The following ZNF69 variants were observed in gnomAD, a reference collection of about 807,000 sequenced individuals.
ZNF69 encodes ZNF3.
Under a neutral mutation model 50.9 loss-of-function variants are expected in ZNF69, and 47 were observed. The ratio of observed to expected loss-of-function variants is 0.92; its 90% CI spans 0.73 to 1.18. The LOEUF is 1.18. Among genes scored for constraint, ZNF69 ranks in the 50% most tolerant of loss-of-function variants. The probability of loss-of-function intolerance (pLI) is 0.00; values close to 1 mark genes in which losing one functional copy is unlikely to be tolerated. For synonymous variants in ZNF69, 216 were observed against 223.1 expected, an observed-to-expected ratio of 0.97 and a Z score of 0.29; for missense variants, 717 against 675.1, an observed-to-expected ratio of 1.06 and a Z score of -0.69.
chr19:11,927,864 C>T, the ZNF69 span, among the ~76,000 whole-genome samples: 2 of 152,262 alleles, frequency 1.3e-5, no homozygotes, highest in East Asian at 3.9e-4. Context: ...TTGTTAGTGT[C>T]AAGATGGAGC....
the ZNF69 span, among the ~76,000 whole-genome samples, chr19:11,942,417 G>C: frequency 2.6e-5 from 4 of 152,040 alleles, no homozygotes; most frequent in Non-Finnish European, 5.9e-5. Flanking sequence ...AGTCCAAAGA[G>C]ACATTAGGGA....
the ZNF69 span, chr19:11,948,129 C>G: frequency 1.1e-6 from 1 of 900,630 alleles, no homozygotes; most frequent in Non-Finnish European, 1.7e-6. Flanking sequence ...TCTTGTAGAA[C>G]ATGTCCAGTC....
the ZNF69 span, among the ~76,000 whole-genome samples, chr19:11,968,299 G>T: frequency 6.6e-6 from 1 of 152,046 alleles, no homozygotes; most frequent in Non-Finnish European, 1.5e-5. Flanking sequence ...TGTGGCCCAG[G>T]CTGGAGCAGT....
the ZNF69 span, among the ~76,000 whole-genome samples, chr19:11,967,106 G>A: frequency 5.4e-4 from 82 of 152,292 alleles, no homozygotes; most frequent in African/African-American, 1.5e-3. Context: ...AGGCCAAGGC[G>A]GGAGGATCAC....
In ZNF69 at chr19:11,912,731, C is replaced by G. The variant is rs926080132; in HGVS notation, c.449-678C>G. On this transcript the variant is annotated intron_variant, in intron 4 of 4. Transcript: ENST00000340180. ...CAATGCAGGAAAGCCTTCAGATCAG[C>G]CTCACACCTTCAAATGTATGGAAGG... Among the ~76,000 whole-genome samples, 16 of 151,950 alleles carry G rather than the reference C, an allele frequency of 1.1e-4. 1 individual carries two copies. Among genetic ancestry groups the G allele is most frequent in the African/African-American group, 3.9e-4 (16 of 41,442 alleles).
At chr19:11,975,541 G>A in the ZNF69 span, among the ~76,000 whole-genome samples, 3 of 152,096 alleles carry the variant, frequency 2.0e-5, no homozygotes, top group South Asian at 6.2e-4. Context: ...GAGACTACAG[G>A]CGCCCGCCAC....
chr19:11,975,624 C>G, the ZNF69 span, among the ~76,000 whole-genome samples: 8 of 150,566 alleles, frequency 5.3e-5, no homozygotes, highest in Non-Finnish European at 1.2e-4. Context: ...CCTCGTGATC[C>G]GCCCGCCTCG....
chr19:11,894,974 G>A (rs1265131368), intron 1 of ZNF69, among the ~76,000 whole-genome samples: 2 of 152,200 alleles, frequency 1.3e-5, no homozygotes, highest in Admixed American at 6.5e-5. Context: ...GGCATAGTGC[G>A]GTGTTGGTGG....
chr19:11,955,967 G>A, the ZNF69 span, among the ~76,000 whole-genome samples: 10,681 of 152,176 alleles, frequency 0.07, 904 homozygotes, highest in African/African-American at 0.2. Flanking sequence ...TAAATATTGA[G>A]TTTATGTGAA....
At chr19:11,956,556 G>A in the ZNF69 span, 2 of 398,606 alleles carry the variant, frequency 5.0e-6, no homozygotes, top group Non-Finnish European at 8.8e-6. Flanking sequence ...CCTACAAAGA[G>A]AGGTCATTGA....
the ZNF69 span, among the ~76,000 whole-genome samples, chr19:11,924,163 T>G: frequency 3.3e-5 from 5 of 152,040 alleles, no homozygotes; most frequent in African/African-American, 1.2e-4. Flanking sequence ...CCGGGCGCGG[T>G]GGCTCACGCC....
chr19:11,970,576 C>A, the ZNF69 span, among the ~76,000 whole-genome samples: 1 of 152,190 alleles, frequency 6.6e-6, no homozygotes, highest in Non-Finnish European at 1.5e-5. Context: ...TTTGTCCCTG[C>A]TTTTTCTGTT....
the ZNF69 span, among the ~76,000 whole-genome samples, chr19:11,929,483 C>G: frequency 6.7e-6 from 1 of 148,216 alleles, no homozygotes; most frequent in African/African-American, 2.6e-5. Flanking sequence ...GTTCAAACAG[C>G]CTATGTAGGT....
At position 11,903,959 on chromosome 19, in the gene ZNF69, A is replaced by G. The variant is rs377746218; in HGVS notation, c.245A>G (p.Asn82Ser). Residue 82 changes from asparagine to serine, a missense_variant, in exon 3 of 4, where the codon AAC becomes AGC. Transcript: ENST00000429654. ...TATGAGTACCAAAACCCCAGGAGAA[A>G]CTTCAGGTAATTTGTACTTACAAGA... ...IEYEYQNPRR[N>S]FRSLIEKKVN... 1 of 1,613,806 alleles carries G rather than the reference A, an allele frequency of 6.2e-7. No individual in the cohort carries two copies.
downstream of ZNF69, among the ~76,000 whole-genome samples, chr19:11,918,639 AGAC>A (rs1251676590): frequency 6.6e-6 from 1 of 151,874 alleles, no homozygotes; most frequent in Non-Finnish European, 1.5e-5. Flanking sequence ...TTTTTTGTAG[AGAC>A]AAGGGTGTCA....
At chr19:11,932,849 G>T in the ZNF69 span, among the ~76,000 whole-genome samples, 3,153 of 147,728 alleles carry the variant, frequency 0.021, 579 homozygotes, top group African/African-American at 0.079. Context: ...GTGTTAGCCA[G>T]GATGGTCTCA....
At chr19:11,929,311 G>GT in the ZNF69 span, among the ~76,000 whole-genome samples, 1 of 148,150 alleles carries the variant, frequency 6.7e-6, no homozygotes, top group East Asian at 1.9e-4. Context: ...TTACAGACAT[G>GT]TGCCACCACA....
chr19:11,913,555 A>C (rs1972489628), exon 5 of ZNF69: 2 of 367,534 alleles, frequency 5.4e-6, no homozygotes, highest in Admixed American at 4.7e-5. Flanking sequence ...CGCCAGGCTA[A>C]TTTTTTGTAT....
At chr19:11,953,640 T>C in the ZNF69 span, among the ~76,000 whole-genome samples, 2 of 152,294 alleles carry the variant, frequency 1.3e-5, no homozygotes, top group South Asian at 4.1e-4. Context: ...TTTCCAAGAC[T>C]AAAACTCTTC....
Sources: gnomAD v4.1 joint callset for allele counts (sites outside exome capture counted in the v4.1 genomes callset) on GRCh38, gnomAD v4.1.1 for gene constraint, MANE v1.5 for transcripts, NCBI Gene and HGNC (gene_info 2026-07-23, HGNC 2026-07-21) for gene names.